The following DLG2 variants were observed in gnomAD, a reference collection of about 807,000 sequenced individuals.
The protein encoded by DLG2 is discs large MAGUK scaffold protein 2.
DLG2 carries 45 observed loss-of-function variants against 132.5 expected under a neutral mutation model. The ratio of observed to expected loss-of-function variants is 0.34; its 90% confidence interval spans 0.27 to 0.44. The LOEUF is 0.44. Among genes scored for constraint, DLG2 ranks in the 20% least tolerant of loss-of-function variants. DLG2 has a pLI of 1.00. For missense variants in DLG2, 1,045 were observed against 1,196.9 expected (o/e 0.87, Z 1.87); for synonymous variants, 424 against 419.6 (o/e 1.01, Z -0.13).
intron 3 of DLG2, among the ~76,000 whole-genome samples, chr11:85,424,426 C>T (rs1477238524): frequency 9.2e-5 from 14 of 152,306 alleles, no homozygotes; most frequent in Non-Finnish European, 2.9e-5. Context: ...TCTAGTCCTA[C>T]CTCCCATCCG....
intron 19 of DLG2, among the ~76,000 whole-genome samples, chr11:83,574,785 T>C (rs1222756073): frequency 6.6e-6 from 1 of 152,166 alleles, no homozygotes; most frequent in Admixed American, 6.5e-5. Flanking sequence ...TCTAAAACGA[T>C]TGGATCCAGG....
At chr11:85,212,042 TTATC>T (rs748052218) in intron 4 of DLG2, among the ~76,000 whole-genome samples, 1 of 152,122 alleles carries the variant, frequency 6.6e-6, no homozygotes, top group Non-Finnish European at 1.5e-5. Flanking sequence ...CCATTGCATT[TTATC>T]TATTATCTTA....
At chr11:84,987,814 T>C (rs1275177969) in intron 6 of DLG2, among the ~76,000 whole-genome samples, 1 of 152,088 alleles carries the variant, frequency 6.6e-6, no homozygotes, top group Non-Finnish European at 1.5e-5. Flanking sequence ...ACTATAAAAA[T>C]TCTCGATGAT....
chr11:84,732,289 G>T (rs997992583), intron 6 of DLG2, among the ~76,000 whole-genome samples: 8 of 151,996 alleles, frequency 5.3e-5, no homozygotes, highest in Admixed American at 3.3e-4. Flanking sequence ...TTCTGGAATG[G>T]ATTTGCTTGA....
At position 83,689,258 on chromosome 11, in the gene DLG2, A is replaced by G. The variant is rs546625142; in HGVS notation, c.1826-55933T>C. On this transcript the variant is annotated intron_variant, in intron 18 of 27. Transcript: ENST00000376104. ...TGAGTAGGAGATATTGAGATATCCA[A>G]ACAACAAGTGTTGCAATCAGAGTAA... Among the ~76,000 whole-genome samples, 154 of 152,216 alleles carry G rather than the reference A, an allele frequency of 1.0e-3. 1 individual carries two copies. Among genetic ancestry groups the G allele is most frequent in the South Asian group, 8.9e-3 (43 of 4,822 alleles).
intron 7 of DLG2, among the ~76,000 whole-genome samples, chr11:84,415,692 C>T (rs1045608170): frequency 6.6e-6 from 1 of 152,186 alleles, no homozygotes; most frequent in Non-Finnish European, 1.5e-5. Context: ...AGGCTTGACT[C>T]ACTTTTTTGA....
chr11:85,020,425 C>G (rs2059948874), intron 6 of DLG2, among the ~76,000 whole-genome samples: 1 of 152,176 alleles, frequency 6.6e-6, no homozygotes, highest in Non-Finnish European at 1.5e-5. Flanking sequence ...CCTGTTCACT[C>G]TAATGGTGGT....
chr11:84,276,514 A>C (rs991020328), intron 7 of DLG2, among the ~76,000 whole-genome samples: 2 of 152,236 alleles, frequency 1.3e-5, no homozygotes, highest in African/African-American at 4.8e-5. Flanking sequence ...ACACAAAGAT[A>C]AATGTAATAT....
chr11:84,079,741 T>C (rs1594798985), intron 10 of DLG2, among the ~76,000 whole-genome samples: 1 of 143,754 alleles, frequency 7.0e-6, no homozygotes. Flanking sequence ...AAAGAATAAA[T>C]TACTTACTAT....
At position 83,516,496 on chromosome 11, in the gene DLG2, T is replaced by C. The variant is rs550435231; in HGVS notation, c.2193+16212A>G. ...TTTATCCAATTTGCCAGTCTGTGCC[T>C]TTTAATTGGAGCATTTAGCCCATTT... On this transcript the variant is annotated intron_variant, in intron 21 of 27. Coordinates refer to ENST00000376104, the MANE Select transcript of DLG2 (RefSeq NM_001142699.3). Among the ~76,000 whole-genome samples the C allele has an allele frequency of 8.5e-4, 130 of 152,364 alleles. 1 individual carries two copies. Among genetic ancestry groups the C allele is most frequent in the African/African-American group, 3.0e-3 (126 of 41,572 alleles).
chr11:85,249,918 G>A (rs139391892), intron 4 of DLG2, among the ~76,000 whole-genome samples: 16 of 152,040 alleles, frequency 1.1e-4, no homozygotes, highest in East Asian at 3.9e-4. Context: ...AATTTATGTC[G>A]ACATTTGTTT....
At chr11:85,481,094 C>G (rs933114830) in intron 3 of DLG2, among the ~76,000 whole-genome samples, 3 of 152,172 alleles carry the variant, frequency 2.0e-5, no homozygotes, top group Non-Finnish European at 2.9e-5. Flanking sequence ...TGTAAATTCC[C>G]TCACTTTCTT....
intron 22 of DLG2, chr11:83,483,324 A>G: frequency 1.2e-6 from 2 of 1,600,772 alleles, no homozygotes; most frequent in Non-Finnish European, 1.7e-6. Context: ...CAGAGAGAGC[A>G]ATGAGAGAGG....
intron 7 of DLG2, among the ~76,000 whole-genome samples, chr11:84,402,420 A>T (rs2098832783): frequency 1.3e-5 from 2 of 152,190 alleles, no homozygotes; most frequent in African/African-American, 4.8e-5. Context: ...ATTAAGTGGC[A>T]ACATAGATTA....
intron 11 of DLG2, among the ~76,000 whole-genome samples, chr11:84,004,749 C>T (rs778484766): frequency 1.3e-5 from 2 of 151,776 alleles, no homozygotes; most frequent in Non-Finnish European, 2.9e-5. Flanking sequence ...ACAAGGAAAA[C>T]TACAAAACAC....
chr11:84,948,530 G>A (rs905079936), intron 6 of DLG2, among the ~76,000 whole-genome samples: 14 of 152,152 alleles, frequency 9.2e-5, no homozygotes, highest in Admixed American at 2.6e-4. Flanking sequence ...ATGAAAATAC[G>A]AAATTTTGTC....
chr11:84,657,931 G>A (rs1043148698), intron 6 of DLG2, among the ~76,000 whole-genome samples: 6 of 152,028 alleles, frequency 3.9e-5, no homozygotes, highest in African/African-American at 9.7e-5. Flanking sequence ...CCCTCCTCTC[G>A]ACCTTTTTAG....
At position 84,502,272 on chromosome 11, in the gene DLG2, T is replaced by C. The variant is rs1208331838; in HGVS notation, c.519+32298A>G. On this transcript the variant is annotated intron_variant, in intron 7 of 27. Coordinates refer to ENST00000376104, the MANE Select transcript of DLG2 (RefSeq NM_001142699.3). ...CTTCCTTCCTTCCTTCCTTCCTTCC[T>C]TCCTTCCTTCTTTCTTTCTTTCTTT... Among the ~76,000 whole-genome samples, 7 of 50,188 alleles carry C rather than the reference T, an allele frequency of 1.4e-4. No homozygotes were observed. In the East Asian group the frequency reaches 1.6e-3, roughly 11 times the overall value. 32.9% of individuals were successfully genotyped at this position (50,188 alleles called of 152,430 possible). A position where few individuals can be genotyped will look rare whatever the true frequency, so the allele number is the denominator to read the frequency against.
rs117576814 is a variant in DLG2 at position 83,952,580 on chromosome 11, T to A, written c.1340+10305A>T. 8.5e-3 allele frequency among the ~76,000 whole-genome samples: 1,299 copies of A among 152,302 alleles called. 8 individuals are homozygous for A. The highest frequency in any genetic ancestry group is 0.017 in the Middle Eastern group (5 of 294). ...AAATGTCTATTAATAGGAAAGTACT[T>A]ATGTAAATTATGGTTCAGTTATACG... On this transcript the variant is annotated intron_variant, in intron 14 of 27. Transcript: ENST00000376104.
Sources: gnomAD v4.1 joint callset for allele counts (sites outside exome capture counted in the v4.1 genomes callset) on GRCh38, gnomAD v4.1.1 for gene constraint, MANE v1.5 for transcripts, NCBI Gene and HGNC (gene_info 2026-07-23, HGNC 2026-07-21) for gene names.